Variants in HMGCLL1 observed in about 807,000 individuals in gnomAD.
HMGCLL1 encodes the protein 3-hydroxy-3-methylglutaryl-CoA lyase like 1.
HMGCLL1 carries 36 observed loss-of-function variants against 39.1 expected under a neutral mutation model. The ratio of observed to expected loss-of-function variants is 0.92; its 90% CI spans 0.71 to 1.22. HMGCLL1 has a LOEUF of 1.22. HMGCLL1 is among the 50% of genes most tolerant of loss of function. HMGCLL1 has a pLI of 0.00. For missense variants in HMGCLL1, 451 were observed against 416.5 expected, an observed-to-expected ratio of 1.08 and a Z score of -0.72; for synonymous variants, 149 against 144.0, an observed-to-expected ratio of 1.03 and a Z score of -0.25.
the HMGCLL1 span, among the ~76,000 whole-genome samples, chr6:55,592,982 A>C: frequency 6.6e-6 from 1 of 152,100 alleles, no homozygotes; most frequent in Admixed American, 6.6e-5. Flanking sequence ...AATCTATAAA[A>C]AGCATGCATC....
chr6:55,599,264 A>T, the HMGCLL1 span, among the ~76,000 whole-genome samples: 1 of 152,184 alleles, frequency 6.6e-6, no homozygotes, highest in Non-Finnish European at 1.5e-5. Flanking sequence ...AAGTATAATT[A>T]AAAAAGAAAG....
At chr6:55,644,480 C>T in the HMGCLL1 span, among the ~76,000 whole-genome samples, 4 of 151,932 alleles carry the variant, frequency 2.6e-5, no homozygotes, top group Non-Finnish European at 2.9e-5. Context: ...CTCAGACTAA[C>T]GTCCTGGGGA....
chr6:55,649,771 T>C, the HMGCLL1 span, among the ~76,000 whole-genome samples: 1 of 151,840 alleles, frequency 6.6e-6, no homozygotes, highest in Non-Finnish European at 1.5e-5. Context: ...CATTTGTTTT[T>C]ATTCTTTTCT....
chr6:55,663,598 G>T, the HMGCLL1 span, among the ~76,000 whole-genome samples: 1 of 151,856 alleles, frequency 6.6e-6, no homozygotes, highest in Admixed American at 6.6e-5. Context: ...CTTTCAATGT[G>T]TGGTTGATTT....
rs924353343 is a variant in HMGCLL1 at position 55,495,573 on chromosome 6, T to A, written c.641A>T (p.Glu214Val). 1.2e-6 allele frequency: 2 copies of A among 1,612,726 alleles called. No individual in the cohort carries two copies. The highest frequency in any genetic ancestry group is 2.7e-5 in the African/African-American group (2 of 74,868). Residue 214 changes from glutamate to valine, a missense_variant, in exon 7 of 9, where the codon GAG becomes GTG. By Grantham distance (121) the Glu-to-Val change is moderately radical (BLOSUM62 -2). Coordinates refer to ENST00000274901, the MANE Select transcript of HMGCLL1 (RefSeq NM_001042406.2). ...TCCAATTGTGTCTCCTAGAGAGATCTCATAACAACCCATGCCGTACAATCT... is the reference window on the plus strand; with the variant it reads ...TCCAATTGTGTCTCCTAGAGAGATCACATAACAACCCATGCCGTACAATCT... ...SKRLYGMGCY[E>V]ISLGDTIGVG...
At chr6:55,604,467 T>C in the HMGCLL1 span, among the ~76,000 whole-genome samples, 2 of 152,106 alleles carry the variant, frequency 1.3e-5, no homozygotes, top group East Asian at 3.8e-4. Flanking sequence ...GCTTTATATA[T>C]TGTAACTTTA....
the HMGCLL1 span, among the ~76,000 whole-genome samples, chr6:55,620,904 G>GTCCCT: frequency 2.6e-5 from 4 of 151,804 alleles, no homozygotes. Flanking sequence ...GTTTGTTCTT[G>GTCCCT]ATACCTTTGC....
chr6:55,596,599 G>A, the HMGCLL1 span, among the ~76,000 whole-genome samples: 10 of 152,162 alleles, frequency 6.6e-5, no homozygotes, highest in South Asian at 2.1e-4. Context: ...GTTGAGCTAC[G>A]CCTAAACTCC....
chr6:55,632,475 T>C, the HMGCLL1 span, among the ~76,000 whole-genome samples: 117 of 151,320 alleles, frequency 7.7e-4, 1 homozygote, highest in African/African-American at 2.1e-3. Flanking sequence ...TAATTCATGA[T>C]TGGCAGTTTA....
At chr6:55,635,380 T>A in the HMGCLL1 span, among the ~76,000 whole-genome samples, 11 of 152,112 alleles carry the variant, frequency 7.2e-5, no homozygotes, top group Non-Finnish European at 1.6e-4. Context: ...CTGTCAAAAA[T>A]TAGTTATGGC....
chr6:55,569,875 T>C (rs4489148), intron 1 of HMGCLL1, among the ~76,000 whole-genome samples: 66,118 of 151,980 alleles, frequency 0.44, 14,537 homozygotes, highest in East Asian at 0.55. Flanking sequence ...CATGCACTAG[T>C]CAGCCATTTC....
chr6:55,506,327 T>G (rs1034240642), intron 5 of HMGCLL1, among the ~76,000 whole-genome samples: 1 of 151,724 alleles, frequency 6.6e-6, no homozygotes, highest in African/African-American at 2.4e-5. Flanking sequence ...TGATCCTTTG[T>G]GTTTTTTCCT....
At chr6:55,608,430 C>T in the HMGCLL1 span, among the ~76,000 whole-genome samples, 1 of 151,662 alleles carries the variant, frequency 6.6e-6, no homozygotes, top group East Asian at 1.9e-4. Flanking sequence ...TTATGTTTCT[C>T]GGTTAGAGAA....
chr6:55,659,367 T>C, the HMGCLL1 span, among the ~76,000 whole-genome samples: 2 of 151,948 alleles, frequency 1.3e-5, no homozygotes, highest in Admixed American at 1.3e-4. Flanking sequence ...TCAAAGATTC[T>C]CTGGGCTGAA....
chr6:55,578,726 T>A (rs965594656), intron 1 of HMGCLL1, among the ~76,000 whole-genome samples: 2 of 152,206 alleles, frequency 1.3e-5, no homozygotes, highest in South Asian at 2.1e-4. Flanking sequence ...AGGCAGGGAT[T>A]TTGCAGGGTC....
intron 1 of HMGCLL1, among the ~76,000 whole-genome samples, chr6:55,569,583 A>C (rs1437346850): frequency 6.6e-6 from 1 of 152,164 alleles, no homozygotes; most frequent in East Asian, 1.9e-4. Flanking sequence ...TCTGAACCAC[A>C]GTTACCAAAT....
At chr6:55,518,300 GA>G (rs1281023400) in intron 3 of HMGCLL1, among the ~76,000 whole-genome samples, 6 of 152,132 alleles carry the variant, frequency 3.9e-5, no homozygotes, top group African/African-American at 7.2e-5. Flanking sequence ...TAAGAGTTCA[GA>G]ATGAATAAAG....
intron 5 of HMGCLL1, among the ~76,000 whole-genome samples, chr6:55,508,732 T>C (rs1767291273): frequency 6.6e-6 from 1 of 151,882 alleles, no homozygotes; most frequent in African/African-American, 2.4e-5. Flanking sequence ...TTTAAATTAT[T>C]GTAAGTGACT....
At chr6:55,597,607 A>C in the HMGCLL1 span, among the ~76,000 whole-genome samples, 2 of 152,082 alleles carry the variant, frequency 1.3e-5, no homozygotes, top group African/African-American at 2.4e-5. Context: ...AAATCCAAAA[A>C]TTTGAATTTC....
Sources: gnomAD v4.1 joint callset for allele counts (sites outside exome capture counted in the v4.1 genomes callset) on GRCh38, gnomAD v4.1.1 for gene constraint, MANE v1.5 for transcripts, NCBI Gene and HGNC (gene_info 2026-07-23, HGNC 2026-07-21) for gene names.